The following SETD1B variants were observed in gnomAD, a reference collection of about 807,000 sequenced individuals.
SETD1B encodes the protein histone-lysine N-methyltransferase SETD1B.
SETD1B carries 7 observed loss-of-function variants against 148.0 expected under a neutral mutation model. The observed-to-expected ratio is 0.05, with a 90% CI of 0.03 to 0.09. SETD1B has a LOEUF of 0.09. Ranked by LOEUF, SETD1B falls within the 10% of genes least tolerant of loss-of-function variation. The probability of loss-of-function intolerance (pLI) is 1.00; values close to 1 mark genes in which losing one functional copy is unlikely to be tolerated. For synonymous variants in SETD1B, 1,361 were observed against 1,186.5 expected (o/e 1.15, Z -3.02); for missense variants, 2,155 against 2,729.9 (o/e 0.79, Z 4.69).
At position 121,805,293 on chromosome 12, in the gene SETD1B, C is replaced by G. The variant is rs1485640673; in HGVS notation, c.273+77C>G. 1.6e-6 allele frequency: 2 copies of G among 1,252,520 alleles called. No homozygotes were observed. The highest frequency in any genetic ancestry group is 2.2e-5 in the Admixed American group (1 of 46,488). The allele number at this position is 1,252,520 out of a possible 1,614,324, so 77.6% of individuals were successfully genotyped here. A position where few individuals can be genotyped will look rare whatever the true frequency, so the allele number is the denominator to read the frequency against. On this transcript the variant is annotated intron_variant, in intron 3 of 16. Coordinates refer to ENST00000604567, the MANE Select transcript of SETD1B (RefSeq NM_001353345.2). This position sits in a 1 kb window ranked among gnomAD's most constrained non-coding sequence, Gnocchi z 4.2. ...GAAAATAACGCCAGTCCTGACCGAGCCCAGCCGGATTCCCAGTTCCCGCCG... is the reference window on the plus strand; with the variant it reads ...GAAAATAACGCCAGTCCTGACCGAGGCCAGCCGGATTCCCAGTTCCCGCCG...
Position 121,809,859 on chromosome 12 carries a change from C to T in SETD1B, c.914C>T (p.Ala305Val). The T allele has an allele frequency of 6.4e-7, 1 of 1,551,432 alleles. No individual in the cohort carries two copies. Among genetic ancestry groups the T allele is most frequent in the Non-Finnish European group, 8.7e-7 (1 of 1,146,996 alleles). Reference protein sequence around the residue: ...TPSYLFSQDPAVTFKARRHES... With the variant: ...TPSYLFSQDPVVTFKARRHES... ...TCATACCTCTTCAGCCAGGACCCTG[C>T]AGTGACCTTCAAGGCCCGGCGCCAC... The change falls in exon 6 of 17, where the codon GCA (alanine) becomes GTA (valine). Residue 305 changes from alanine (A) to valine (V), a missense_variant. Transcript: ENST00000604567.
At position 121,823,337 on chromosome 12, in the gene SETD1B, T is replaced by TCCCCCCC; in HGVS notation, c.4759_4765dup (p.Gln1589ProfsTer21). 1 of 809,482 alleles carries TCCCCCCC rather than the reference T, an allele frequency of 1.2e-6. No individual in the cohort carries two copies. The highest frequency in any genetic ancestry group is 2.3e-5 in the African/African-American group (1 of 43,670). 50.1% of individuals were successfully genotyped at this position (809,482 alleles called of 1,614,324 possible). On this transcript the variant is annotated frameshift_variant, in exon 12 of 17. Coordinates refer to ENST00000604567, the MANE Select transcript of SETD1B (RefSeq NM_001353345.2). LOFTEE classifies it high-confidence loss of function. ...GGATCCCAGCCCCTCCACCACCCCT[T>TCCCCCCC]CCCCCCCAGCCACCCCCACCCCCAC... is the stretch of plus-strand genomic sequence containing the variant.
intron 5 of SETD1B, among the ~76,000 whole-genome samples, chr12:121,809,166 G>T (rs527992757): frequency 2.0e-5 from 3 of 152,188 alleles, no homozygotes; most frequent in Non-Finnish European, 4.4e-5. Flanking sequence ...GAGCCACCAC[G>T]CCTGGCCTCT....
chr12:121,819,821 C>A lies in SETD1B; in HGVS notation c.3836C>A (p.Ala1279Asp). Residue 1279 changes from alanine to aspartate, a missense_variant, in exon 11 of 17, where the codon GCC becomes GAC. By Grantham distance (126) the Ala-to-Asp change is moderately radical (BLOSUM62 -2). This residue lies in a region of SETD1B where 862 missense variants were observed against 873.8 expected (regional missense o/e 0.99). Coordinates refer to ENST00000604567, the MANE Select transcript of SETD1B (RefSeq NM_001353345.2). ...GAACCAGGCCTGAGCCAGGAAGGGG[C>A]CATGTTGCTGTCTCCAGAGCCCCCT... ...PEEPGLSQEG[A>D]MLLSPEPPAK... is the part of the protein sequence containing the mutation. The A allele has an allele frequency of 5.2e-6, 8 of 1,551,544 alleles. No individual in the cohort carries two copies. Among genetic ancestry groups the A allele is most frequent in the Non-Finnish European group, 7.0e-6 (8 of 1,146,956 alleles).
chr12:121,818,392 G>A (rs1206888091), intron 10 of SETD1B, among the ~76,000 whole-genome samples: 1 of 151,744 alleles, frequency 6.6e-6, no homozygotes, highest in Non-Finnish European at 1.5e-5. Flanking sequence ...GTGAAACCCC[G>A]TCTCTACTAA....
chr12:121,815,045 T>A (rs1876225625), intron 7 of SETD1B, 115 bp downstream of exon 7: 7 of 970,624 alleles, frequency 7.2e-6, no homozygotes, highest in Non-Finnish European at 1.0e-5. Flanking sequence ...TGGACCCCAC[T>A]ATGGGAGCTC....
the SETD1B span, chr12:121,793,102 C>T: frequency 1.3e-5 from 20 of 1,489,972 alleles, no homozygotes; most frequent in South Asian, 2.2e-4. Flanking sequence ...GGAGGGGAAA[C>T]CCTTCGGGCG....
At chr12:121,824,646 CAAAAA>C (rs1006520873) in intron 12 of SETD1B, among the ~76,000 whole-genome samples, 2 of 146,164 alleles carry the variant, frequency 1.4e-5, no homozygotes, top group South Asian at 2.2e-4. Flanking sequence ...GACTCTGTCT[CAAAAA>C]AAAAAAAAAA....
In SETD1B at chr12:121,805,978, G is replaced by A. The variant is rs758067751; in HGVS notation, c.417G>A (p.Lys139=). 8 of 1,551,516 alleles carry A rather than the reference G, an allele frequency of 5.2e-6. No homozygotes were observed. The East Asian group carries it at 7.3e-5, about 14-fold the overall frequency. ...VEEVEILYNP[K]TKKHLGIAKV... ...AGGTGGAGATTTTGTACAACCCCAA[G>A]ACCAAGAAGCACCTGGGCATCGCCA... The change falls in exon 4 of 17, where the codon AAG becomes AAA. Residue 139 remains lysine, a synonymous_variant. Transcript: ENST00000604567. The surrounding 1 kb of genome is among the most constrained non-coding windows in gnomAD (Gnocchi z 4.2).
chr12:121,824,350 A>G (rs1385642242), intron 12 of SETD1B, among the ~76,000 whole-genome samples: 1 of 152,360 alleles, frequency 6.6e-6, no homozygotes, highest in South Asian at 2.1e-4. Flanking sequence ...GTTTGTGTCA[A>G]GAGCTCTGCT....
Position 121,808,142 on chromosome 12 carries a change from G to T in SETD1B, c.545-66G>T, listed in dbSNP as rs1875839039. The T allele has an allele frequency of 7.6e-6, 10 of 1,316,878 alleles. No homozygotes were observed. Among genetic ancestry groups the T allele is most frequent in the Non-Finnish European group, 2.1e-6 (2 of 943,720 alleles). The allele number at this position is 1,316,878 out of a possible 1,614,324, so 81.6% of individuals were successfully genotyped here. A position where few individuals can be genotyped will look rare whatever the true frequency, so the allele number is the denominator to read the frequency against. On this transcript the variant is annotated intron_variant, in intron 4 of 16. Transcript: ENST00000604567. The surrounding 1 kb of genome is among the most constrained non-coding windows in gnomAD (Gnocchi z 5.3). ...ACCCACCAGGGTGCCACACAGGTTG[G>T]AATCCTTGTGGGGGCTGCCCCATCC...
chr12:121,817,611 C>G lies in SETD1B; in HGVS notation c.3219C>G (p.Ser1073Arg). The G allele has an allele frequency of 6.4e-7, 1 of 1,551,390 alleles. No homozygotes were observed. Among genetic ancestry groups the G allele is most frequent in the Non-Finnish European group, 8.7e-7 (1 of 1,146,758 alleles). The stretch of plus-strand genomic sequence containing the variant: ...CCGACAAGGAGGAGGAACAGGAGAG[C>G]ACCGAGGAGGAAGAGGAGGCGGAGG... ...SASDKEEEQESTEEEEEAEEE... is the reference protein window; with the variant it reads ...SASDKEEEQERTEEEEEAEEE... Residue 1073 changes from serine (S) to arginine (R), a missense_variant, in exon 9 of 17, where the codon AGC becomes AGG. This residue lies in a region of SETD1B where 862 missense variants were observed against 873.8 expected (regional missense o/e 0.99). Coordinates refer to ENST00000604567, the MANE Select transcript of SETD1B (RefSeq NM_001353345.2). This position sits in a 1 kb window ranked among gnomAD's most constrained non-coding sequence, Gnocchi z 8.1.
At chr12:121,798,528 CT>C in the SETD1B span, among the ~76,000 whole-genome samples, 1 of 152,258 alleles carries the variant, frequency 6.6e-6, no homozygotes, top group Non-Finnish European at 1.5e-5. Context: ...TCCCACCACC[CT>C]TTCCAGCAGG....
intron 13 of SETD1B, 100 bp from the exon 14 acceptor site, chr12:121,827,419 A>G: frequency 3.6e-6 from 5 of 1,395,086 alleles, no homozygotes; most frequent in South Asian, 1.5e-5. Context: ...GCCCAGAGCA[A>G]GGAGCCCAGG....
At chr12:121,797,698 A>ACCCCAC in the SETD1B span, 1 of 433,904 alleles carries the variant, frequency 2.3e-6, no homozygotes, top group Non-Finnish European at 4.7e-6. Context: ...GGGAGTAAAG[A>ACCCCAC]CCCCACCCGG....
Position 121,827,653 on chromosome 12 carries a change from G to A in SETD1B, c.5469+3G>A, listed in dbSNP as rs1876903323. The A allele has an allele frequency of 6.4e-7, 1 of 1,551,582 alleles. No individual in the cohort carries two copies. ...TGCTCAAGTTCAACCAGCTCAAGGT[G>A]AGGCCGGGCTTCACCCAGATCGCCG... is the stretch of plus-strand genomic sequence containing the variant. On this transcript the variant is annotated splice_donor_region_variant and intron_variant, in intron 14 of 16. Coordinates refer to ENST00000604567, the MANE Select transcript of SETD1B (RefSeq NM_001353345.2).
At position 121,810,230 on chromosome 12, in the gene SETD1B, C is replaced by T. The variant is rs1172406201; in HGVS notation, c.1285C>T (p.Arg429Trp). Reference sequence around the variant, plus strand: ...TGGGGCCCGCGACAGTGGGGAGTTCCGGAGGGCACCGGCGCCCCCACCCCT... The same window carrying T: ...TGGGGCCCGCGACAGTGGGGAGTTCTGGAGGGCACCGGCGCCCCCACCCCT... Reference protein sequence around the residue: ...AFGARDSGEFRRAPAPPPLPP... With the variant: ...AFGARDSGEFWRAPAPPPLPP... The change falls in exon 6 of 17, where the codon CGG becomes TGG. Residue 429 changes from arginine (R) to tryptophan (W), a missense_variant. Coordinates refer to ENST00000604567, the MANE Select transcript of SETD1B (RefSeq NM_001353345.2). This position sits in a 1 kb window ranked among gnomAD's most constrained non-coding sequence, Gnocchi z 7.6. 7 of 1,548,226 alleles carry T rather than the reference C, an allele frequency of 4.5e-6. No individual in the cohort carries two copies. The highest frequency in any genetic ancestry group is 2.4e-5 in the South Asian group (2 of 84,044).
In SETD1B at chr12:121,822,602, G is replaced by T; in HGVS notation, c.4023G>T (p.Glu1341Asp). The T allele has an allele frequency of 6.4e-7, 1 of 1,551,124 alleles. No individual in the cohort carries two copies. Among genetic ancestry groups the T allele is most frequent in the South Asian group, 1.2e-5 (1 of 83,992 alleles). ...PRPPSPPPEP[E>D]TTDASHPSVP... Reference sequence around the variant, plus strand: ...CACCCAGCCCACCGCCGGAGCCTGAGACCACAGATGCCTCACACCCATCTG... The same window carrying T: ...CACCCAGCCCACCGCCGGAGCCTGATACCACAGATGCCTCACACCCATCTG... Residue 1341 changes from glutamate to aspartate, a missense_variant, in exon 12 of 17, where the codon GAG becomes GAT. Glu to Asp is a conservative substitution (Grantham distance 45). Around this residue, in one of 11 missense-constraint regions of SETD1B, gnomAD observed 862 missense variants for 873.8 expected, o/e 0.99. Transcript: ENST00000604567.
At chr12:121,797,673 T>C in the SETD1B span, 3 of 450,862 alleles carry the variant, frequency 6.7e-6, no homozygotes, top group Admixed American at 2.4e-5. Context: ...ATTACTTAAT[T>C]ATCCAAAGCA....
Sources: allele counts gnomAD v4.1 joint callset (sites outside exome capture counted in the v4.1 genomes callset), GRCh38; gene constraint gnomAD v4.1.1; regional missense constraint gnomAD v4.1.1; non-coding constraint Gnocchi (gnomAD v3.1); transcripts MANE v1.5; gene names NCBI Gene and HGNC (gene_info 2026-07-23, HGNC 2026-07-21).